The following SNX29 variants were observed in gnomAD, a reference collection of about 807,000 sequenced individuals.
SNX29 encodes sorting nexin-29.
In SNX29, 78 loss-of-function variants were observed where a neutral mutation model predicts 102.1. That is an observed-to-expected ratio of 0.76 (90% CI 0.64 to 0.92). SNX29 has a LOEUF of 0.92. Ranked by LOEUF, SNX29 falls within the 40% of genes least tolerant of loss-of-function variation. The pLI is 0.00. For missense variants in SNX29, 1,280 were observed against 1,061.7 expected (o/e 1.21, Z -2.86); for synonymous variants, 580 against 414.5 (o/e 1.40, Z -4.85).
chr16:12,451,650 T>G (rs1328740969), intron 18 of SNX29, among the ~76,000 whole-genome samples: 2 of 152,108 alleles, frequency 1.3e-5, no homozygotes, highest in African/African-American at 2.4e-5. Flanking sequence ...GACCATGAGG[T>G]CAGGAGATCA....
intron 7 of SNX29, among the ~76,000 whole-genome samples, chr16:12,049,365 C>G (rs900387149): frequency 2.0e-5 from 3 of 150,656 alleles, no homozygotes; most frequent in African/African-American, 7.3e-5. Context: ...CAGAGTCTCA[C>G]TCTATTGCCC....
chr16:12,191,117 AT>A (rs1450815124), intron 13 of SNX29, among the ~76,000 whole-genome samples: 1 of 152,012 alleles, frequency 6.6e-6, no homozygotes, highest in African/African-American at 2.4e-5. Flanking sequence ...CAGACATTAG[AT>A]TTTTATAGGG....
At chr16:12,273,983 G>C (rs2079169509) in intron 14 of SNX29, among the ~76,000 whole-genome samples, 1 of 152,160 alleles carries the variant, frequency 6.6e-6, no homozygotes, top group Non-Finnish European at 1.5e-5. Flanking sequence ...CACTTACCAG[G>C]TGATGGCCAT....
chr16:12,229,337 G>T (rs965272130), intron 14 of SNX29, among the ~76,000 whole-genome samples: 1 of 152,202 alleles, frequency 6.6e-6, no homozygotes. Flanking sequence ...AATGGAAATG[G>T]TCAGGCCAGT....
intron 13 of SNX29, among the ~76,000 whole-genome samples, chr16:12,158,766 C>T (rs980114067): frequency 4.6e-5 from 7 of 152,184 alleles, no homozygotes; most frequent in Non-Finnish European, 8.8e-5. Context: ...TGACCTCAGG[C>T]AACTTTGAGC....
At chr16:12,415,515 A>G (rs1295812036) in intron 18 of SNX29, among the ~76,000 whole-genome samples, 2 of 152,212 alleles carry the variant, frequency 1.3e-5, no homozygotes, top group Non-Finnish European at 2.9e-5. Flanking sequence ...ACTTTCTAAA[A>G]TGAATTAATC....
chr16:12,249,788 C>G (rs191361295), intron 14 of SNX29, among the ~76,000 whole-genome samples: 4 of 152,212 alleles, frequency 2.6e-5, no homozygotes, highest in Non-Finnish European at 5.9e-5. Context: ...ACACTGTATA[C>G]GCTACTGGGT....
chr16:12,523,567 A>C (rs1324941725), intron 19 of SNX29, among the ~76,000 whole-genome samples: 1 of 152,318 alleles, frequency 6.6e-6, no homozygotes, highest in African/African-American at 2.4e-5. Context: ...GCCCAGGCCA[A>C]CGTGACAGTG....
At chr16:12,019,002 T>C (rs975451020) in intron 3 of SNX29, among the ~76,000 whole-genome samples, 3 of 152,196 alleles carry the variant, frequency 2.0e-5, no homozygotes, top group African/African-American at 4.8e-5. Flanking sequence ...TTTTAAAAAA[T>C]GCTATATCCA....
chr16:12,304,173 T>C (rs2151109068), intron 15 of SNX29, among the ~76,000 whole-genome samples: 1 of 147,574 alleles, frequency 6.8e-6, no homozygotes, highest in East Asian at 2.0e-4. Flanking sequence ...ATCCTATCAC[T>C]GTTTTTTGTT....
chr16:12,444,299 TCAGTATAGCACCTAGCATGTAGTAAG>T (rs2085950537), intron 18 of SNX29, among the ~76,000 whole-genome samples: 1 of 151,732 alleles, frequency 6.6e-6, no homozygotes, highest in Non-Finnish European at 1.5e-5. Context: ...TAGTAAGCAC[TCAGTATAGCACCTAGCATGTAGTAAG>T]CACTCAGTCA....
chr16:12,244,419 G>A (rs1216369773), intron 14 of SNX29, among the ~76,000 whole-genome samples: 3 of 152,150 alleles, frequency 2.0e-5, no homozygotes, highest in African/African-American at 7.2e-5. Context: ...GACCAGCCTG[G>A]CCAACATGGA....
rs71139595 is a variant in SNX29 at position 12,461,978 on chromosome 16, AATATAT to A, written c.2038-15712_2038-15707del. 9.4e-3 allele frequency among the ~76,000 whole-genome samples: 256 copies of A among 27,320 alleles called. 5 individuals are homozygous for A. Among genetic ancestry groups the A allele is most frequent in the African/African-American group, 0.025 (182 of 7,266 alleles). The allele number at this position is 27,320 out of a possible 152,430, so 17.9% of individuals were successfully genotyped here. On this transcript the variant is annotated intron_variant, in intron 18 of 20. Coordinates refer to ENST00000566228, the MANE Select transcript of SNX29 (RefSeq NM_032167.5). ...CTCAAAAAAAAAAAAAAAAAAAAAA[AATATAT>A]ATATATATATATATATATATATATA...
chr16:12,491,529 ATTTT>A (rs747237650), intron 19 of SNX29, among the ~76,000 whole-genome samples: 1 of 150,936 alleles, frequency 6.6e-6, no homozygotes, highest in Admixed American at 6.6e-5. Flanking sequence ...TATGTGACTT[ATTTT>A]TTTTTATTAT....
chr16:12,570,231 C>G lies in SNX29; in HGVS notation c.*1602C>G, dbSNP rs1288640775. 2 of 1,065,256 alleles carry G rather than the reference C, an allele frequency of 1.9e-6. No individual in the cohort carries two copies. The highest frequency in any genetic ancestry group is 3.3e-5 in the African/African-American group (2 of 61,066). The allele number at this position is 1,065,256 out of a possible 1,614,324, so 66.0% of individuals were successfully genotyped here. ...GACCTGGGGCCAGATAAGCCCTGCC[C>G]CGGTGAGACCAAATGAGCTGGAGCA... is the stretch of plus-strand genomic sequence containing the variant. On this transcript the variant is annotated 3_prime_UTR_variant, in exon 21 of 21. Transcript: ENST00000566228.
intron 18 of SNX29, among the ~76,000 whole-genome samples, chr16:12,468,383 C>T (rs1028064798): frequency 6.6e-5 from 10 of 151,964 alleles, no homozygotes; most frequent in African/African-American, 1.7e-4. Flanking sequence ...CCATGTTGTC[C>T]AGGCTGGTCT....
chr16:12,426,342 G>A (rs7205270), intron 18 of SNX29, among the ~76,000 whole-genome samples: 115,028 of 152,060 alleles, frequency 0.76, 44,572 homozygotes, highest in African/African-American at 0.94. Flanking sequence ...TGGCAGGGGG[G>A]TAAGAGACAG....
chr16:12,315,650 A>G (rs2080708093), intron 15 of SNX29, among the ~76,000 whole-genome samples: 1 of 152,138 alleles, frequency 6.6e-6, no homozygotes, highest in African/African-American at 2.4e-5. Flanking sequence ...CTCAGGAGAA[A>G]CCAACCCTGC....
chr16:12,233,272 A>T (rs1383696961), intron 14 of SNX29, among the ~76,000 whole-genome samples: 1 of 152,222 alleles, frequency 6.6e-6, no homozygotes, highest in Admixed American at 6.5e-5. Flanking sequence ...AAAGAATGAA[A>T]TCTTGCCCTT....
Sources: gnomAD v4.1 joint callset for allele counts (sites outside exome capture counted in the v4.1 genomes callset) on GRCh38, gnomAD v4.1.1 for gene constraint, MANE v1.5 for transcripts, NCBI Gene and HGNC (gene_info 2026-07-23, HGNC 2026-07-21) for gene names.